The following HIP1 variants were observed in gnomAD, a reference collection of about 807,000 sequenced individuals.
The protein encoded by HIP1 is huntingtin-interacting protein 1.
HIP1 carries 65 observed loss-of-function variants against 147.6 expected under a neutral mutation model. The observed-to-expected ratio is 0.44, with a 90% confidence interval of 0.36 to 0.54. The LOEUF (loss-of-function observed/expected upper bound fraction) is 0.54, where lower values mean the gene tolerates loss of function less well. Among genes scored for constraint, HIP1 ranks in the 20% least tolerant of loss-of-function variants. The pLI is 0.00. For missense variants in HIP1, 1,061 were observed against 1,299.6 expected (o/e 0.82, Z 2.82); for synonymous variants, 479 against 504.0 (o/e 0.95, Z 0.67).
intron 2 of HIP1, among the ~76,000 whole-genome samples, chr7:75,597,336 A>G (rs1796783646): frequency 6.6e-6 from 1 of 152,188 alleles, no homozygotes; most frequent in African/African-American, 2.4e-5. Flanking sequence ...TTGAGGCTAG[A>G]AGGCTTCGGG....
At chr7:75,551,775 G>A (rs1291263320) in intron 22 of HIP1, among the ~76,000 whole-genome samples, 1 of 151,816 alleles carries the variant, frequency 6.6e-6, no homozygotes, top group African/African-American at 2.4e-5. Context: ...CCACTAAGTT[G>A]CCCAGGCTGG....
chr7:75,541,783 G>A (rs959209458), intron 29 of HIP1, 136 bp downstream of exon 29: 7 of 606,070 alleles, frequency 1.2e-5, no homozygotes, highest in Admixed American at 2.7e-5. Flanking sequence ...TGTTTCTTCC[G>A]GCAAGATTTA....
intron 8 of HIP1, among the ~76,000 whole-genome samples, chr7:75,571,074 C>T (rs1276569285): frequency 6.6e-6 from 1 of 152,042 alleles, no homozygotes; most frequent in East Asian, 1.9e-4. Flanking sequence ...ATCCCTCCTA[C>T]CCCTTCCTCA....
chr7:75,604,879 AT>A (rs1797160289), intron 1 of HIP1, among the ~76,000 whole-genome samples: 1 of 152,178 alleles, frequency 6.6e-6, no homozygotes, highest in Non-Finnish European at 1.5e-5. Context: ...ATAGTAACAA[AT>A]TTTTAAAATC....
chr7:75,634,705 C>T (rs1798362347), intron 1 of HIP1, among the ~76,000 whole-genome samples: 1 of 151,930 alleles, frequency 6.6e-6, no homozygotes, highest in South Asian at 2.1e-4. Context: ...GCAGGAGGAT[C>T]ACTTGAGGCC....
intron 1 of HIP1, among the ~76,000 whole-genome samples, chr7:75,606,671 C>T (rs754157871): frequency 1.6e-4 from 24 of 152,044 alleles, no homozygotes; most frequent in Non-Finnish European, 2.5e-4. Context: ...GAAAAGGACC[C>T]GAAGGAACAA....
intron 1 of HIP1, among the ~76,000 whole-genome samples, chr7:75,620,335 A>T (rs1554506803): frequency 6.7e-6 from 1 of 149,946 alleles, no homozygotes; most frequent in East Asian, 2.0e-4. Context: ...GCAGTGAGCC[A>T]ATATTGCGCC....
intron 5 of HIP1, among the ~76,000 whole-genome samples, chr7:75,582,707 G>T (rs1554498831): frequency 6.6e-6 from 1 of 152,184 alleles, no homozygotes; most frequent in Non-Finnish European, 1.5e-5. Flanking sequence ...CTCCTTGGGA[G>T]GTTGAGGCAG....
At chr7:75,725,515 G>A (rs28646218) in intron 1 of HIP1, among the ~76,000 whole-genome samples, 5,483 of 152,062 alleles carry the variant, frequency 0.036, 125 homozygotes, top group African/African-American at 0.068. Flanking sequence ...AACTTTTACT[G>A]GTCTTTTATG....
chr7:75,632,383 T>A (rs1798258414), intron 1 of HIP1, among the ~76,000 whole-genome samples: 1 of 152,170 alleles, frequency 6.6e-6, no homozygotes, highest in Middle Eastern at 3.4e-3. Flanking sequence ...AATCCACAAA[T>A]GGTAAACCAA....
chr7:75,661,004 C>T (rs1049319382), intron 1 of HIP1, among the ~76,000 whole-genome samples: 1 of 152,008 alleles, frequency 6.6e-6, no homozygotes, highest in Non-Finnish European at 1.5e-5. Flanking sequence ...AAGTAGCCGG[C>T]GTGGTGGCTC....
At chr7:75,551,301 GATT>G (rs1794774938) in intron 22 of HIP1, among the ~76,000 whole-genome samples, 2 of 142,438 alleles carry the variant, frequency 1.4e-5, no homozygotes, top group Admixed American at 7.5e-5. Flanking sequence ...AGGCTCAAAG[GATT>G]ATCCTGCCTC....
intron 1 of HIP1, among the ~76,000 whole-genome samples, chr7:75,719,503 CA>C (rs782452885): frequency 2.9e-3 from 339 of 117,762 alleles, no homozygotes; most frequent in Middle Eastern, 4.3e-3. Flanking sequence ...GACTCCATCT[CA>C]AAAAAAAAAA....
At chr7:75,595,248 C>CTTTCTTTCTTTCTTTCTT (rs1218437516) in intron 2 of HIP1, among the ~76,000 whole-genome samples, 19 of 98,760 alleles carry the variant, frequency 1.9e-4, no homozygotes, top group African/African-American at 7.5e-4. Context: ...TTCTTTCTTT[C>CTTTCTTTCTTTCTTTCTT]TTTCTTCCTT....
chr7:75,703,327 A>G (rs4731833), intron 1 of HIP1, among the ~76,000 whole-genome samples: 83,650 of 151,876 alleles, frequency 0.55, 23,783 homozygotes, highest in African/African-American at 0.68. Context: ...CAGCCTGGGC[A>G]ACAGAGCAAG....
intron 27 of HIP1, among the ~76,000 whole-genome samples, chr7:75,544,394 CTAA>C (rs1794457443): frequency 6.8e-5 from 2 of 29,328 alleles, no homozygotes; most frequent in South Asian, 2.3e-3. Flanking sequence ...CAAGTACCAT[CTAA>C]CCTAGCCAAG....
intron 1 of HIP1, chr7:75,626,247 C>T (rs2117109130): frequency 6.6e-6 from 1 of 152,328 alleles, no homozygotes; most frequent in Middle Eastern, 3.4e-3. Context: ...GTACTTACTA[C>T]CCAGCTTGAA....
intron 29 of HIP1, among the ~76,000 whole-genome samples, chr7:75,540,893 T>G (rs587708152): frequency 5.0e-4 from 76 of 152,304 alleles, no homozygotes; most frequent in African/African-American, 1.7e-3. Flanking sequence ...ATAGTAAGAC[T>G]ATTAAGTTTG....
At chr7:75,648,691 T>C (rs549642585) in intron 1 of HIP1, among the ~76,000 whole-genome samples, 1 of 151,826 alleles carries the variant, frequency 6.6e-6, no homozygotes, top group South Asian at 2.1e-4. Context: ...AAGCCTGAAT[T>C]GGGGCCATGG....
Sources: allele counts gnomAD v4.1 joint callset (sites outside exome capture counted in the v4.1 genomes callset), GRCh38; gene constraint gnomAD v4.1.1; transcripts MANE v1.5; gene names NCBI Gene and HGNC (gene_info 2026-07-23, HGNC 2026-07-21).